IL1RL1: variants seen among roughly 807,000 people sequenced by gnomAD.
IL1RL1 encodes interleukin 1 receptor like 1, also known as interleukin-1 receptor-like 1.
Under a neutral mutation model 50.9 loss-of-function variants are expected in IL1RL1, and 32 were observed. The ratio of observed to expected loss-of-function variants is 0.63; its 90% CI spans 0.47 to 0.84. The LOEUF (loss-of-function observed/expected upper bound fraction) is 0.84, where lower values mean the gene tolerates loss of function less well. IL1RL1 is among the 40% of genes least tolerant of loss of function. The pLI, the probability that IL1RL1 is intolerant of heterozygous loss-of-function variation, is 0.00. For missense variants in IL1RL1, 773 were observed against 662.9 expected, an observed-to-expected ratio of 1.17 and a Z score of -1.82; for synonymous variants, 275 against 236.0, an observed-to-expected ratio of 1.17 and a Z score of -1.51.
At chr2:102,321,986 G>A (rs981306303) in intron 1 of IL1RL1, among the ~76,000 whole-genome samples, 5 of 152,130 alleles carry the variant, frequency 3.3e-5, no homozygotes, top group Non-Finnish European at 7.4e-5. Context: ...AGAGCTAATA[G>A]GAGATTATCT....
intron 8 of IL1RL1, among the ~76,000 whole-genome samples, chr2:102,347,208 G>A (rs940208797): frequency 1.1e-4 from 16 of 152,264 alleles, no homozygotes; most frequent in Middle Eastern, 3.4e-3. Flanking sequence ...CACCTTGTCC[G>A]TTCCTTTCTC....
intron 1 of IL1RL1, among the ~76,000 whole-genome samples, chr2:102,326,926 G>T (rs12725988): frequency 0.53 from 79,898 of 151,726 alleles, 21,280 homozygotes; most frequent in Middle Eastern, 0.65. Flanking sequence ...CACCCCACTG[G>T]AAACATTAGA....
intron 5 of IL1RL1, 96 bp from the exon 6 acceptor site, chr2:102,342,127 A>T (rs574539973): frequency 2.5e-6 from 2 of 793,326 alleles, no homozygotes; most frequent in East Asian, 5.2e-5. Flanking sequence ...CTTGAAAAAC[A>T]TTGCTATGAA....
intron 1 of IL1RL1, among the ~76,000 whole-genome samples, chr2:102,332,937 G>A (rs62151723): frequency 0.014 from 2,159 of 152,238 alleles, 22 homozygotes; most frequent in Middle Eastern, 0.092. Flanking sequence ...TTAGCTCTTG[G>A]AGGAGGTGGG....
intron 1 of IL1RL1, among the ~76,000 whole-genome samples, chr2:102,329,526 A>C (rs1677113417): frequency 6.6e-6 from 1 of 152,248 alleles, no homozygotes; most frequent in African/African-American, 2.4e-5. Flanking sequence ...GCACAGTGAA[A>C]GAAACTACCA....
At chr2:102,317,966 G>A (rs1676725900) in intron 1 of IL1RL1, among the ~76,000 whole-genome samples, 1 of 152,150 alleles carries the variant, frequency 6.6e-6, no homozygotes. Context: ...GGCTCGGGAG[G>A]CCAAGCAACA....
At chr2:102,326,106 G>T (rs1344675089) in intron 1 of IL1RL1, among the ~76,000 whole-genome samples, 1 of 152,194 alleles carries the variant, frequency 6.6e-6, no homozygotes, top group Non-Finnish European at 1.5e-5. Flanking sequence ...CAGAGAGAAA[G>T]GTCGGGTTAC....
intron 1 of IL1RL1, among the ~76,000 whole-genome samples, chr2:102,331,137 T>C (rs867180819): frequency 4.7e-4 from 72 of 152,242 alleles, no homozygotes; most frequent in African/African-American, 1.6e-3. Flanking sequence ...TTCACTATGG[T>C]AGCTTTTATA....
At chr2:102,328,395 T>A (rs1677075068) in intron 1 of IL1RL1, among the ~76,000 whole-genome samples, 1 of 152,072 alleles carries the variant, frequency 6.6e-6, no homozygotes, top group Non-Finnish European at 1.5e-5. Flanking sequence ...CCACAGCCAA[T>A]ATCATACTGA....
intron 1 of IL1RL1, chr2:102,312,904 T>G (rs1231739602): frequency 6.6e-6 from 1 of 152,166 alleles, no homozygotes; most frequent in African/African-American, 2.4e-5. Context: ...TTTAATTTCT[T>G]CCAGGCATAA....
intron 1 of IL1RL1, among the ~76,000 whole-genome samples, chr2:102,324,192 C>T (rs1676924242): frequency 6.6e-6 from 1 of 151,968 alleles, no homozygotes; most frequent in Admixed American, 6.6e-5. Flanking sequence ...AGGTAAATCC[C>T]CAGGAAGAGA....
chr2:102,344,742 T>C (rs761509110), intron 8 of IL1RL1: 1 of 944,522 alleles, frequency 1.1e-6, no homozygotes, highest in Non-Finnish European at 1.3e-6. Flanking sequence ...ACCAAATGTT[T>C]TTTTTGTGTA....
chr2:102,337,875 G>A (rs1677384951), intron 1 of IL1RL1, among the ~76,000 whole-genome samples: 1 of 151,966 alleles, frequency 6.6e-6, no homozygotes, highest in Non-Finnish European at 1.5e-5. Context: ...TCATGAGACT[G>A]GTGAAATATA....
At chr2:102,341,229 T>C in intron 5 of IL1RL1, 1 of 1,201,436 alleles carries the variant, frequency 8.3e-7, no homozygotes, top group Non-Finnish European at 1.1e-6. Flanking sequence ...GAGCTTAATC[T>C]TTAGTAATAC....
At position 102,322,982 on chromosome 2, in the gene IL1RL1, G is replaced by T. The variant is rs924892116; in HGVS notation, c.-150+11359G>T. Reference sequence around the variant, plus strand: ...ATTTTTTTGTTTGGAAATGAACTCAGAGTTACATAACATGATGTTTTTGAC... The same window carrying T: ...ATTTTTTTGTTTGGAAATGAACTCATAGTTACATAACATGATGTTTTTGAC... On this transcript the variant is annotated intron_variant, in intron 1 of 10. Transcript: ENST00000233954. Among the ~76,000 whole-genome samples, 12 of 151,994 alleles carry T rather than the reference G, an allele frequency of 7.9e-5. No individual in the cohort carries two copies. In the East Asian group the frequency reaches 2.3e-3, roughly 29 times the overall value.
chr2:102,334,593 G>A (rs1388153024), intron 1 of IL1RL1, among the ~76,000 whole-genome samples: 4 of 151,456 alleles, frequency 2.6e-5, no homozygotes, highest in Middle Eastern at 3.4e-3. Flanking sequence ...GAAATGAGGG[G>A]AAAAAAAACA....
chr2:102,317,391 A>G (rs547191471), intron 1 of IL1RL1, among the ~76,000 whole-genome samples: 1 of 152,242 alleles, frequency 6.6e-6, no homozygotes, highest in South Asian at 2.1e-4. Context: ...TTTAAAATGC[A>G]CTGTAATTAC....
At chr2:102,316,375 A>G (rs770704911) in intron 1 of IL1RL1, among the ~76,000 whole-genome samples, 1 of 152,140 alleles carries the variant, frequency 6.6e-6, no homozygotes, top group Non-Finnish European at 1.5e-5. Context: ...CATACTTTTT[A>G]TGTAATCTGG....
At chr2:102,343,474 ATGGAGTG>A (rs1677660875) in intron 8 of IL1RL1, 59 bp downstream of exon 8, 1 of 1,613,634 alleles carries the variant, frequency 6.2e-7, no homozygotes. Context: ...TGTAAGCAGA[ATGGAGTG>A]TGGTTCCAAG....
Sources: allele counts gnomAD v4.1 joint callset (sites outside exome capture counted in the v4.1 genomes callset), GRCh38; gene constraint gnomAD v4.1.1; transcripts MANE v1.5; gene names NCBI Gene and HGNC (gene_info 2026-07-23, HGNC 2026-07-21).